Variants in SEC14L1 observed in about 807,000 individuals in gnomAD.
The protein encoded by SEC14L1 is SEC14-like protein 1.
In SEC14L1, 48 loss-of-function variants were observed where a neutral mutation model predicts 85.3. The ratio of observed to expected loss-of-function variants is 0.56; its 90% CI spans 0.45 to 0.72. The LOEUF is 0.72. Ranked by LOEUF, SEC14L1 falls within the 30% of genes least tolerant of loss-of-function variation. SEC14L1 has a pLI of 0.00. For synonymous variants in SEC14L1, 391 were observed against 355.5 expected (o/e 1.10, Z -1.12); for missense variants, 682 against 921.4 (o/e 0.74, Z 3.36).
chr17:77,168,145 G>A (rs1264760191), intron 3 of SEC14L1, among the ~76,000 whole-genome samples: 1 of 152,212 alleles, frequency 6.6e-6, no homozygotes, highest in East Asian at 1.9e-4. Flanking sequence ...GGCATGTCGG[G>A]CCACAAGCGT....
intron 3 of SEC14L1, among the ~76,000 whole-genome samples, chr17:77,102,012 G>A (rs747802417): frequency 9.9e-5 from 15 of 152,164 alleles, no homozygotes; most frequent in Non-Finnish European, 1.9e-4. Flanking sequence ...AGACCTCTTT[G>A]CTATTTGCTT....
chr17:77,169,494 G>A (rs1181930858), intron 3 of SEC14L1, among the ~76,000 whole-genome samples: 1 of 152,170 alleles, frequency 6.6e-6, no homozygotes, highest in Non-Finnish European at 1.5e-5. Flanking sequence ...CCTGCCTGCC[G>A]CACAAGCCTA....
chr17:77,185,380 C>G, intron 3 of SEC14L1: 2 of 985,334 alleles, frequency 2.0e-6, no homozygotes, highest in South Asian at 4.7e-5. Flanking sequence ...TTGGGCATGC[C>G]AAGGTAAAGT....
intron 3 of SEC14L1, among the ~76,000 whole-genome samples, chr17:77,153,502 A>T (rs1179898982): frequency 6.6e-6 from 1 of 152,234 alleles, no homozygotes; most frequent in African/African-American, 2.4e-5. Context: ...TCCCAAATTA[A>T]ACTAGGCCAT....
intron 11 of SEC14L1, 31 bp downstream of exon 11, chr17:77,205,377 C>T (rs181267910): frequency 1.0e-5 from 16 of 1,559,846 alleles, no homozygotes; most frequent in South Asian, 1.0e-4. Flanking sequence ...TTCCTTTCAA[C>T]TTACTGAGAA....
At position 77,206,412 on chromosome 17, in the gene SEC14L1, T is replaced by C. The variant is rs1252575478; in HGVS notation, c.1341+12T>C. ...TGCTCTGGACGCTGGTGGGTTGAGA[T>C]GCTTTTTGCAGTAACTGTGAGCCAT... On this transcript the variant is annotated intron_variant, in intron 12 of 16. Coordinates refer to ENST00000436233, the MANE Select transcript of SEC14L1 (RefSeq NM_001143998.2). The surrounding 1 kb of genome is among the most constrained non-coding windows in gnomAD (Gnocchi z 4.3). 1 of 1,610,120 alleles carries C rather than the reference T, an allele frequency of 6.2e-7. No homozygotes were observed. Among genetic ancestry groups the C allele is most frequent in the Non-Finnish European group, 8.5e-7 (1 of 1,176,896 alleles).
At chr17:77,099,594 T>C (rs1052441453) in intron 3 of SEC14L1, among the ~76,000 whole-genome samples, 1 of 152,090 alleles carries the variant, frequency 6.6e-6, no homozygotes, top group African/African-American at 2.4e-5. Flanking sequence ...TCGTCTCTAC[T>C]AAAAATACAA....
At chr17:77,173,361 G>T (rs959429321) in intron 3 of SEC14L1, among the ~76,000 whole-genome samples, 2 of 151,672 alleles carry the variant, frequency 1.3e-5, no homozygotes, top group African/African-American at 4.8e-5. Context: ...GGGGCACAAC[G>T]TGAGTCGGGG....
intron 3 of SEC14L1, among the ~76,000 whole-genome samples, chr17:77,147,072 A>C (rs940074578): frequency 1.3e-5 from 2 of 152,200 alleles, no homozygotes; most frequent in African/African-American, 4.8e-5. Flanking sequence ...AATGTGCCTC[A>C]CTAGAACGCA....
chr17:77,140,247 T>C (rs1002260384), upstream of SEC14L1, among the ~76,000 whole-genome samples: 5 of 152,166 alleles, frequency 3.3e-5, no homozygotes, highest in Admixed American at 1.3e-4. Flanking sequence ...GCACCCTCGT[T>C]TCCGAGGGGC....
At chr17:77,155,871 C>G (rs943878241) in intron 3 of SEC14L1, among the ~76,000 whole-genome samples, 3 of 152,156 alleles carry the variant, frequency 2.0e-5, no homozygotes, top group African/African-American at 7.2e-5. Flanking sequence ...TGAGCCACTT[C>G]GCCCAGTCCA....
chr17:77,212,414 G>A (rs752653444), intron 15 of SEC14L1, among the ~76,000 whole-genome samples: 17 of 152,140 alleles, frequency 1.1e-4, no homozygotes, highest in Non-Finnish European at 2.4e-4. Flanking sequence ...CAGAATCTGC[G>A]ACTTTTCCCA....
In SEC14L1 at chr17:77,194,901, C is replaced by A. The variant is rs1225851432; in HGVS notation, c.699C>A (p.Gly233=). The A allele has an allele frequency of 6.2e-7, 1 of 1,613,582 alleles. No individual in the cohort carries two copies. Among genetic ancestry groups the A allele is most frequent in the Admixed American group, 1.7e-5 (1 of 60,032 alleles). Residue 233 remains glycine (G), a synonymous_variant, in exon 7 of 17, where the codon GGC becomes GGA. Transcript: ENST00000436233. ...CCAGCGCACCTGAGCCCGTGGTGGG[C>A]ACCCCTGACGGTGGGTCTGGCAGGG... ...SSPSAPEPVV[G]TPDDKLDADY...
At chr17:77,108,630 T>G (rs1209589157) in intron 3 of SEC14L1, among the ~76,000 whole-genome samples, 1 of 151,778 alleles carries the variant, frequency 6.6e-6, no homozygotes, top group Non-Finnish European at 1.5e-5. Flanking sequence ...TCTGGGCTAC[T>G]CAGGAGGCTG....
At chr17:77,161,922 T>C (rs1974081193) in intron 3 of SEC14L1, among the ~76,000 whole-genome samples, 1 of 148,348 alleles carries the variant, frequency 6.7e-6, no homozygotes, top group African/African-American at 2.5e-5. Flanking sequence ...TCTTTTCTTC[T>C]TTCTTCTTCT....
intron 3 of SEC14L1, among the ~76,000 whole-genome samples, chr17:77,176,291 GA>G (rs921736760): frequency 1.7e-4 from 25 of 145,338 alleles, no homozygotes; most frequent in South Asian, 2.2e-4. Flanking sequence ...ACTCAGTCTT[GA>G]AAAAAAAAAA....
chr17:77,140,118 T>C (rs548039974), upstream of SEC14L1, among the ~76,000 whole-genome samples: 228 of 152,326 alleles, frequency 1.5e-3, no homozygotes, highest in Middle Eastern at 3.4e-3. Context: ...GAGGTGCCCC[T>C]TTCTAGTCAT....
chr17:77,214,045 T>C lies in SEC14L1; in HGVS notation c.*22T>C. Reference sequence around the variant, plus strand: ...GTAGTGCCGCGCTGCCTGCACCTAGTGTGCAGAGGGGACGGCCGCCCCTCC... The same window carrying C: ...GTAGTGCCGCGCTGCCTGCACCTAGCGTGCAGAGGGGACGGCCGCCCCTCC... On this transcript the variant is annotated 3_prime_UTR_variant, in exon 17 of 17. Transcript: ENST00000436233. 1.2e-6 allele frequency: 2 copies of C among 1,605,194 alleles called. No homozygotes were observed. Among genetic ancestry groups the C allele is most frequent in the South Asian group, 1.1e-5 (1 of 90,394 alleles).
intron 3 of SEC14L1, among the ~76,000 whole-genome samples, chr17:77,103,911 C>A (rs530402707): frequency 6.6e-6 from 1 of 151,312 alleles, no homozygotes; most frequent in African/African-American, 2.4e-5. Flanking sequence ...CTGCTTATGA[C>A]CTGCTCCAGA....
Sources: allele counts gnomAD v4.1 joint callset (sites outside exome capture counted in the v4.1 genomes callset), GRCh38; gene constraint gnomAD v4.1.1; non-coding constraint Gnocchi (gnomAD v3.1); transcripts MANE v1.5; gene names NCBI Gene and HGNC (gene_info 2026-07-23, HGNC 2026-07-21).